UGT2B17: variants seen among roughly 807,000 people sequenced by gnomAD.
UGT2B17 encodes UDP glucuronosyltransferase family 2 member B17.
A neutral mutation model predicts 48.2 loss-of-function variants in UGT2B17; 21 were observed. The ratio of observed to expected loss-of-function variants is 0.44; its 90% CI spans 0.31 to 0.63. The LOEUF (loss-of-function observed/expected upper bound fraction) is 0.63. Among genes scored for constraint, UGT2B17 ranks in the 20% least tolerant of loss-of-function variants. The pLI, the probability that UGT2B17 is intolerant of heterozygous loss-of-function variation, is 0.08. For missense variants in UGT2B17, 402 were observed against 696.1 expected, an observed-to-expected ratio of 0.58 and a Z score of 4.75; for synonymous variants, 146 against 238.4, an observed-to-expected ratio of 0.61 and a Z score of 3.57.
chr4:68,569,607 A>G lies in UGT2B17; in HGVS notation c.-64-1059T>C, dbSNP rs147867060. Among the ~76,000 whole-genome samples the G allele has an allele frequency of 1.0e-3, 131 of 124,844 alleles. 57 individuals carry two copies. The East Asian group carries it at 0.094, about 90-fold the overall frequency. The allele number at this position is 124,844 out of a possible 152,430, so 81.9% of individuals were successfully genotyped here. On this transcript the variant is annotated intron_variant, in intron 1 of 6. Coordinates refer to ENST00000317746, the MANE Select transcript of UGT2B17 (RefSeq NM_001077.4). ...GAGTAACTCCTCCCTTCTCAGGCCC[A>G]GTCCCAAGATGCAAGGCTGCTTGCA... is the stretch of plus-strand genomic sequence containing the variant.
rs1186919693 is a variant in UGT2B17 at position 68,544,903 on chromosome 4, T to G, written c.1313+5774A>C. Among the ~76,000 whole-genome samples the G allele has an allele frequency of 1.6e-5, 2 of 124,400 alleles. 1 individual carries two copies. Among genetic ancestry groups the G allele is most frequent in the African/African-American group, 5.4e-5 (2 of 36,726 alleles). The allele number at this position is 124,400 out of a possible 152,430, so 81.6% of individuals were successfully genotyped here. On this transcript the variant is annotated intron_variant, in intron 6 of 6. Transcript: ENST00000317746. ...CAAGAAGAGCTAACTATCCTAAATA[T>G]ACATGCACCCAGATTCATAAAGCAA...
rs1731200885 is a variant in UGT2B17 at position 68,566,255 on chromosome 4, C to T, written c.725-535G>A. Reference sequence around the variant, plus strand: ...ATTTTTATGTATTGCATATGTTGCTCATATGTATATATAAGGAAGGCAAAG... The same window carrying T: ...ATTTTTATGTATTGCATATGTTGCTTATATGTATATATAAGGAAGGCAAAG... On this transcript the variant is annotated intron_variant, in intron 2 of 6. Coordinates refer to ENST00000317746, the MANE Select transcript of UGT2B17 (RefSeq NM_001077.4). Among the ~76,000 whole-genome samples, 2 of 121,578 alleles carry T rather than the reference C, an allele frequency of 1.6e-5. 1 individual carries two copies. The highest frequency in any genetic ancestry group is 3.4e-5 in the Non-Finnish European group (2 of 58,550). 79.8% of individuals were successfully genotyped at this position (121,578 alleles called of 152,430 possible).
intron 2 of UGT2B17, 126 bp downstream of exon 2, chr4:68,567,634 AT>A (rs1731223045): frequency 2.7e-6 from 2 of 753,156 alleles, no homozygotes; most frequent in Non-Finnish European, 3.7e-6. Context: ...CTCATAGATC[AT>A]CTTACATTTG....
chr4:68,566,333 T>C (rs1462927919), intron 2 of UGT2B17, among the ~76,000 whole-genome samples: 4 of 121,852 alleles, frequency 3.3e-5, no homozygotes, highest in Non-Finnish European at 6.8e-5. Flanking sequence ...ATCAGTATAT[T>C]CACAATCATA....
At chr4:68,570,831 A>C (rs1324829435) in intron 1 of UGT2B17, among the ~76,000 whole-genome samples, 1 of 126,812 alleles carries the variant, frequency 7.9e-6, no homozygotes, top group Non-Finnish European at 1.7e-5. Flanking sequence ...ACATGGCTTC[A>C]GGGTTGAATC....
At position 68,542,828 on chromosome 4, in the gene UGT2B17, G is replaced by A. The variant is rs762792563; in HGVS notation, c.1314-4924C>T. 1.1e-4 allele frequency among the ~76,000 whole-genome samples: 14 copies of A among 126,982 alleles called. 3 individuals carry two copies. Among genetic ancestry groups the A allele is most frequent in the Non-Finnish European group, 1.7e-4 (10 of 59,750 alleles). The allele number at this position is 126,982 out of a possible 152,430, so 83.3% of individuals were successfully genotyped here. ...CTGGCTCAGAGGGTCCTACGCCCAC[G>A]GAGCCTCGCTCATTGCTAGCACAGC... On this transcript the variant is annotated intron_variant, in intron 6 of 6. Coordinates refer to ENST00000317746, the MANE Select transcript of UGT2B17 (RefSeq NM_001077.4).
rs1392349446 is a variant in UGT2B17, at chr4:68,572,976, T to C, written c.-65+2975A>G. Among the ~76,000 whole-genome samples the C allele has an allele frequency of 1.6e-5, 2 of 126,992 alleles. 1 individual carries two copies. Among genetic ancestry groups the C allele is most frequent in the African/African-American group, 5.4e-5 (2 of 37,016 alleles). 83.3% of individuals were successfully genotyped at this position (126,992 alleles called of 152,430 possible). ...GGGCTCTCTGATAATAGGAGTAAGATAGTGAGCTTAGGGTGTTGCAAACTT... is the reference window on the plus strand; with the variant it reads ...GGGCTCTCTGATAATAGGAGTAAGACAGTGAGCTTAGGGTGTTGCAAACTT... On this transcript the variant is annotated intron_variant, in intron 1 of 6. Transcript: ENST00000317746.
rs1365552396 is a variant in UGT2B17, at chr4:68,572,789, C to T, written c.-65+3162G>A. Among the ~76,000 whole-genome samples the T allele has an allele frequency of 7.1e-5, 9 of 126,274 alleles. 3 individuals are homozygous for T. The highest frequency in any genetic ancestry group is 1.5e-4 in the Non-Finnish European group (9 of 59,638). The allele number at this position is 126,274 out of a possible 152,430, so 82.8% of individuals were successfully genotyped here. On this transcript the variant is annotated intron_variant, in intron 1 of 6. Coordinates refer to ENST00000317746, the MANE Select transcript of UGT2B17 (RefSeq NM_001077.4). ...CAAATTCTGAGGAAAATGAGTCCTG[C>T]GATGAGTCTCCTCATGCTTCAGCCA...
In UGT2B17 at chr4:68,565,667, G is replaced by A. The variant is rs1463525853; in HGVS notation, c.778C>T (p.Arg260Ter). ...GGAAATTCAAAATCCCAATAGGTTC[G>A]AATGAGCCACATTTCAGCTTTCCCC... is the stretch of plus-strand genomic sequence containing the variant. ...TMGKAEMWLI[R>*]TYWDFEFPRP... Residue 260 changes from arginine (R) to a stop codon, truncating the protein, a stop_gained, in exon 3 of 7, where the codon CGA (arginine) becomes TGA (stop). Transcript: ENST00000317746. LOFTEE classifies it high-confidence loss of function. 3.7e-6 allele frequency: 5 copies of A among 1,366,264 alleles called. 1 individual carries two copies. In the Admixed American group the frequency reaches 1.0e-4, roughly 28 times the overall value. The allele number at this position is 1,366,264 out of a possible 1,614,324, so 84.6% of individuals were successfully genotyped here.
In UGT2B17 at chr4:68,550,664, T is replaced by G; in HGVS notation, c.1313+13A>C. ...TTGTAAGTACCACCTGGTCACAAAA[T>G]TGTAATACTCACATAGGGTCATTAA... On this transcript the variant is annotated intron_variant, in intron 6 of 6. Transcript: ENST00000317746. 1 of 1,360,958 alleles carries G rather than the reference T, an allele frequency of 7.3e-7. No homozygotes were observed. The highest frequency in any genetic ancestry group is 9.6e-7 in the Non-Finnish European group (1 of 1,042,642). The allele number at this position is 1,360,958 out of a possible 1,614,324, so 84.3% of individuals were successfully genotyped here.
rs565568804 is a variant in UGT2B17, at chr4:68,544,940, C to T, written c.1313+5737G>A. ...GATTCATAAAGCAAGTCCTTAGATA[C>T]CTACAAAGAGACTTAGACTCCCACA... On this transcript the variant is annotated intron_variant, in intron 6 of 6. Coordinates refer to ENST00000317746, the MANE Select transcript of UGT2B17 (RefSeq NM_001077.4). 5.6e-5 allele frequency among the ~76,000 whole-genome samples: 7 copies of T among 125,960 alleles called. 1 individual carries two copies. The highest frequency in any genetic ancestry group is 3.3e-4 in the Admixed American group (4 of 12,280). The allele number at this position is 125,960 out of a possible 152,430, so 82.6% of individuals were successfully genotyped here.
chr4:68,563,158 G>C (rs1731134450), intron 3 of UGT2B17, among the ~76,000 whole-genome samples: 1 of 127,094 alleles, frequency 7.9e-6, no homozygotes, highest in Non-Finnish European at 1.7e-5. Context: ...TTTGGCAAGA[G>C]TCTTATTCTT....
chr4:68,568,456 A>G lies in UGT2B17; in HGVS notation c.29T>C (p.Leu10Pro). 1 of 1,360,536 alleles carries G rather than the reference A, an allele frequency of 7.4e-7. No individual in the cohort carries two copies. The highest frequency in any genetic ancestry group is 9.5e-7 in the Non-Finnish European group (1 of 1,049,998). 84.3% of individuals were successfully genotyped at this position (1,360,536 alleles called of 1,614,324 possible). ...AAAGTAACAACTGAGCTGCATCAGCAGAAAGACTGACATCCATTTCAGAGA... is the reference window on the plus strand; with the variant it reads ...AAAGTAACAACTGAGCTGCATCAGCGGAAAGACTGACATCCATTTCAGAGA... MSLKWMSVF[L>P]LMQLSCYFSS... Residue 10 changes from leucine to proline, a missense_variant, in exon 2 of 7, where the codon CTG becomes CCG. This residue lies in a region of UGT2B17 where 51 missense variants were observed against 108.7 expected (regional missense o/e 0.47). Transcript: ENST00000317746.
At chr4:68,567,041 T>C (rs1456858062) in intron 2 of UGT2B17, among the ~76,000 whole-genome samples, 1 of 124,238 alleles carries the variant, frequency 8.0e-6, no homozygotes, top group Non-Finnish European at 1.7e-5. Flanking sequence ...TATTTACAAA[T>C]GAGAATTAAA....
rs1357479674 is a variant in UGT2B17, at chr4:68,566,994, T to G, written c.724+767A>C. On this transcript the variant is annotated intron_variant, in intron 2 of 6. Coordinates refer to ENST00000317746, the MANE Select transcript of UGT2B17 (RefSeq NM_001077.4). ...ACACCTACTACTGTCTTGGTTCATC[T>G]TAAGATCTTAATATAATTAGATTTT... Among the ~76,000 whole-genome samples, 992 of 110,886 alleles carry G rather than the reference T, an allele frequency of 8.9e-3. 140 individuals carry two copies. Among genetic ancestry groups the G allele is most frequent in the Non-Finnish European group, 0.011 (625 of 54,456 alleles). The allele number at this position is 110,886 out of a possible 152,430, so 72.7% of individuals were successfully genotyped here.
At chr4:68,555,914 A>C (rs1259327826) in intron 4 of UGT2B17, among the ~76,000 whole-genome samples, 1 of 77,044 alleles carries the variant, frequency 1.3e-5, no homozygotes, top group Non-Finnish European at 2.6e-5. Flanking sequence ...AAAGTTATAA[A>C]AATAAAAAGT....
At chr4:68,568,827 G>C (rs1342686368) in intron 1 of UGT2B17, among the ~76,000 whole-genome samples, 1 of 131,506 alleles carries the variant, frequency 7.6e-6, no homozygotes, top group African/African-American at 2.6e-5. Flanking sequence ...CGTGGTGCAA[G>C]TAATGTCTTC....
In UGT2B17 at chr4:68,567,678, C is replaced by T. The variant is rs577055738; in HGVS notation, c.724+83G>A. Reference sequence around the variant, plus strand: ...TAATTTCCCATAAAAACACTATCTTCTGACATTATATTTATATAAGCCCAC... The same window carrying T: ...TAATTTCCCATAAAAACACTATCTTTTGACATTATATTTATATAAGCCCAC... On this transcript the variant is annotated intron_variant, in intron 2 of 6. Transcript: ENST00000317746. 1.5e-5 allele frequency: 15 copies of T among 977,378 alleles called. 3 individuals carry two copies. Among genetic ancestry groups the T allele is most frequent in the Non-Finnish European group, 2.0e-5 (15 of 739,030 alleles). 60.5% of individuals were successfully genotyped at this position (977,378 alleles called of 1,614,324 possible). A position where few individuals can be genotyped will look rare whatever the true frequency, so the allele number is the denominator to read the frequency against.
chr4:68,542,470 A>G (rs1283144987), intron 6 of UGT2B17, among the ~76,000 whole-genome samples: 2 of 126,726 alleles, frequency 1.6e-5, no homozygotes, highest in African/African-American at 5.4e-5. Context: ...AGAAGCCAAG[A>G]TGGCCGAATA....
Sources: gnomAD v4.1 joint callset for allele counts (sites outside exome capture counted in the v4.1 genomes callset) on GRCh38, gnomAD v4.1.1 for gene constraint, gnomAD v4.1.1 regional missense constraint, MANE v1.5 for transcripts, NCBI Gene and HGNC (gene_info 2026-07-23, HGNC 2026-07-21) for gene names.